The following RGS8 variants were observed in gnomAD, a reference collection of about 807,000 sequenced individuals.
RGS8 encodes regulator of G protein signaling 8.
RGS8 carries 8 observed loss-of-function variants against 21.7 expected under a neutral mutation model. The observed-to-expected ratio is 0.37, with a 90% CI of 0.22 to 0.66. The LOEUF (loss-of-function observed/expected upper bound fraction) is 0.66. RGS8 is among the 30% of genes least tolerant of loss of function. The pLI, the probability that RGS8 is intolerant of heterozygous loss-of-function variation, is 0.59. For synonymous variants in RGS8, 80 were observed against 83.6 expected, an observed-to-expected ratio of 0.96 and a Z score of 0.24; for missense variants, 157 against 217.9, an observed-to-expected ratio of 0.72 and a Z score of 1.76.
chr1:182,656,001 G>C (rs1204233078), intron 5 of RGS8, among the ~76,000 whole-genome samples: 10 of 152,286 alleles, frequency 6.6e-5, no homozygotes, highest in African/African-American at 2.2e-4. Flanking sequence ...TCTAAAATGG[G>C]AATAATGAAT....
the RGS8 span, among the ~76,000 whole-genome samples, chr1:182,690,359 A>G: frequency 6.6e-6 from 1 of 152,222 alleles, no homozygotes; most frequent in Non-Finnish European, 1.5e-5. Context: ...CCATGAAGGC[A>G]GGGACTGAAT....
At chr1:182,641,974 C>T (rs1210), downstream of RGS8, 2,688 of 152,270 alleles carry the variant, frequency 0.018, 36 homozygotes, top group Non-Finnish European at 0.028. Context: ...GTTGTGTGCT[C>T]GCCGCGTGAC....
chr1:182,658,775 A>G (rs538647279), intron 5 of RGS8: 1 of 152,382 alleles, frequency 6.6e-6, no homozygotes, highest in East Asian at 1.9e-4. Flanking sequence ...TGAGCCCAGG[A>G]GTTCAGGGCT....
At chr1:182,707,368 G>A in the RGS8 span, among the ~76,000 whole-genome samples, 181 of 152,292 alleles carry the variant, frequency 1.2e-3, no homozygotes, top group African/African-American at 4.1e-3. Context: ...AGTGGTTTGA[G>A]CCAGCTTTCT....
the RGS8 span, among the ~76,000 whole-genome samples, chr1:182,743,159 G>C: frequency 6.6e-6 from 1 of 152,188 alleles, no homozygotes. Flanking sequence ...TCAGTACAAA[G>C]AGCATGGGAT....
the RGS8 span, among the ~76,000 whole-genome samples, chr1:182,735,076 A>G: frequency 6.6e-6 from 1 of 152,216 alleles, no homozygotes; most frequent in African/African-American, 2.4e-5. Context: ...TGTAATTTAC[A>G]CTGACAACAT....
the RGS8 span, among the ~76,000 whole-genome samples, chr1:182,696,025 A>G: frequency 6.6e-6 from 1 of 152,140 alleles, no homozygotes; most frequent in African/African-American, 2.4e-5. Flanking sequence ...AGGATTTATT[A>G]ATTTAATTAA....
chr1:182,657,248 G>T (rs1036494489), intron 5 of RGS8, among the ~76,000 whole-genome samples: 13 of 152,044 alleles, frequency 8.6e-5, no homozygotes, highest in African/African-American at 3.1e-4. Flanking sequence ...CTTTTCATCT[G>T]CTCCTTTCCC....
the RGS8 span, among the ~76,000 whole-genome samples, chr1:182,742,471 C>G: frequency 6.6e-6 from 1 of 152,144 alleles, no homozygotes; most frequent in Non-Finnish European, 1.5e-5. Flanking sequence ...GTGAACGAGA[C>G]TCCGTCTGCA....
chr1:182,717,348 A>G, the RGS8 span, among the ~76,000 whole-genome samples: 322 of 152,334 alleles, frequency 2.1e-3, no homozygotes, highest in South Asian at 6.6e-3. Context: ...GGAACCATCA[A>G]TTACTTTCCT....
chr1:182,676,870 T>A (rs1430035115), upstream of RGS8, among the ~76,000 whole-genome samples: 1 of 152,218 alleles, frequency 6.6e-6, no homozygotes, highest in Non-Finnish European at 1.5e-5. Flanking sequence ...CATTTCAACT[T>A]CAATTTCCTC....
the RGS8 span, among the ~76,000 whole-genome samples, chr1:182,708,762 C>T: frequency 6.6e-6 from 1 of 152,312 alleles, no homozygotes; most frequent in Non-Finnish European, 1.5e-5. Context: ...GCTCAAGGCT[C>T]CTGCCCCATA....
intron 1 of RGS8, among the ~76,000 whole-genome samples, chr1:182,681,972 A>G (rs1486531574): frequency 6.6e-6 from 1 of 152,242 alleles, no homozygotes; most frequent in East Asian, 1.9e-4. Flanking sequence ...AAAGGTTCTG[A>G]TGATGATGCT....
chr1:182,671,097 G>A (rs1044769120), intron 2 of RGS8, among the ~76,000 whole-genome samples: 17 of 152,234 alleles, frequency 1.1e-4, no homozygotes, highest in East Asian at 5.8e-4. Flanking sequence ...TTCTGTCCCC[G>A]CCTTGTCTCT....
At chr1:182,722,639 G>A in the RGS8 span, among the ~76,000 whole-genome samples, 2 of 152,118 alleles carry the variant, frequency 1.3e-5, no homozygotes, top group South Asian at 4.1e-4. Context: ...CTGTCATCCT[G>A]TGGCCTTCTT....
chr1:182,656,851 C>T (rs775608233), intron 5 of RGS8, among the ~76,000 whole-genome samples: 1 of 152,204 alleles, frequency 6.6e-6, no homozygotes, highest in Non-Finnish European at 1.5e-5. Flanking sequence ...AAGGCTTGTG[C>T]AGACTGCACC....
the RGS8 span, among the ~76,000 whole-genome samples, chr1:182,707,851 C>A: frequency 0.014 from 2,164 of 152,142 alleles, 61 homozygotes; most frequent in African/African-American, 0.05. Context: ...GGACTACAGG[C>A]GCCCACCACC....
the RGS8 span, among the ~76,000 whole-genome samples, chr1:182,737,470 G>A: frequency 0.4 from 60,236 of 151,704 alleles, 12,077 homozygotes; most frequent in South Asian, 0.48. Context: ...AATCATGGGG[G>A]CAGGTTTTTC....
intron 5 of RGS8, among the ~76,000 whole-genome samples, chr1:182,661,712 C>T (rs975985487): frequency 4.6e-5 from 7 of 151,874 alleles, no homozygotes; most frequent in Admixed American, 2.0e-4. Context: ...TGCCTGTTTC[C>T]CAGAGACCTG....
Sources: gnomAD v4.1 joint callset for allele counts (sites outside exome capture counted in the v4.1 genomes callset) on GRCh38, gnomAD v4.1.1 for gene constraint, MANE v1.5 for transcripts, NCBI Gene and HGNC (gene_info 2026-07-23, HGNC 2026-07-21) for gene names.